Variants in ME3 observed in about 807,000 individuals in gnomAD.
ME3 encodes the protein malic enzyme 3.
In ME3, 48 loss-of-function variants were observed where a neutral mutation model predicts 68.9. The observed-to-expected ratio is 0.70, with a 90% CI of 0.55 to 0.89. The LOEUF is 0.89. ME3 is among the 40% of genes least tolerant of loss of function. The pLI, the probability that ME3 is intolerant of heterozygous loss-of-function variation, is 0.00. For synonymous variants in ME3, 320 were observed against 318.8 expected, an observed-to-expected ratio of 1.00 and a Z score of -0.04; for missense variants, 675 against 797.4, an observed-to-expected ratio of 0.85 and a Z score of 1.85.
intron 2 of ME3, among the ~76,000 whole-genome samples, chr11:86,613,573 T>C (rs1942747677): frequency 6.6e-6 from 1 of 152,126 alleles, no homozygotes. Context: ...GAAAACCCCA[T>C]CATCTCCGCC....
intron 2 of ME3, among the ~76,000 whole-genome samples, chr11:86,644,523 C>T (rs581796): frequency 0.91 from 138,065 of 152,100 alleles, 62,803 homozygotes; most frequent in Middle Eastern, 0.96. Flanking sequence ...TATTAGACTG[C>T]CTATTGTCAG....
chr11:86,475,874 TAGAG>T lies in ME3; in HGVS notation c.810-10678_810-10675del, dbSNP rs1555206746. Among the ~76,000 whole-genome samples the T allele has an allele frequency of 4.6e-3, 418 of 91,468 alleles. 7 individuals are homozygous for T. In the East Asian group the frequency reaches 0.049, roughly 11 times the overall value. 60.0% of individuals were successfully genotyped at this position (91,468 alleles called of 152,430 possible). A position where few individuals can be genotyped will look rare whatever the true frequency, so the allele number is the denominator to read the frequency against. ...CAGTATATATATATATATATATATATAGAGAGAGAGAGAGAGAGAGAGAGAGAAA... is the reference window on the plus strand; with the variant it reads ...CAGTATATATATATATATATATATATAGAGAGAGAGAGAGAGAGAGAGAAA... On this transcript the variant is annotated intron_variant, in intron 7 of 14. Coordinates refer to ENST00000543262, the Ensembl canonical transcript of ME3.
intron 2 of ME3, among the ~76,000 whole-genome samples, chr11:86,586,259 G>A (rs1341697907): frequency 6.6e-6 from 1 of 152,214 alleles, no homozygotes; most frequent in African/African-American, 2.4e-5. Flanking sequence ...CCCAAGCTGG[G>A]TTGGATTAGG....
chr11:86,514,328 C>G (rs555072680), intron 4 of ME3, among the ~76,000 whole-genome samples: 1 of 152,282 alleles, frequency 6.6e-6, no homozygotes, highest in East Asian at 1.9e-4. Flanking sequence ...ACATGAGATT[C>G]TGATCACCTG....
At chr11:86,653,393 G>C (rs984460653) in intron 2 of ME3, among the ~76,000 whole-genome samples, 2 of 152,174 alleles carry the variant, frequency 1.3e-5, no homozygotes, top group Non-Finnish European at 2.9e-5. Flanking sequence ...ATAACAAACT[G>C]TCTCTCAGAC....
At chr11:86,642,825 A>G (rs17211584) in intron 2 of ME3, among the ~76,000 whole-genome samples, 11,089 of 152,198 alleles carry the variant, frequency 0.073, 480 homozygotes, top group East Asian at 0.14. Context: ...TAGTTAATTT[A>G]TTTTCCAATG....
intron 2 of ME3, among the ~76,000 whole-genome samples, chr11:86,603,285 A>C (rs558035489): frequency 1.3e-5 from 2 of 152,234 alleles, no homozygotes; most frequent in African/African-American, 2.4e-5. Flanking sequence ...AAAAGTGGGC[A>C]AAGGATATGA....
intron 7 of ME3, among the ~76,000 whole-genome samples, chr11:86,468,500 G>A (rs675775): frequency 0.42 from 63,904 of 151,908 alleles, 13,688 homozygotes; most frequent in African/African-American, 0.46. Flanking sequence ...TTGAGCACCT[G>A]TGATGATCTG....
chr11:86,436,334 A>G (rs1948897525), downstream of ME3: 1 of 151,868 alleles, frequency 6.6e-6, no homozygotes, highest in African/African-American at 2.4e-5. Flanking sequence ...TGATTTAAAT[A>G]TTTTTCTCAT....
At chr11:86,449,842 G>A in intron 10 of ME3, 47 bp downstream of exon 10, 1 of 1,403,300 alleles carries the variant, frequency 7.1e-7, no homozygotes, top group Non-Finnish European at 1.0e-6. Flanking sequence ...CAGTTCCTGG[G>A]AGCTATAAGG....
At chr11:86,599,896 G>A (rs1394069633) in intron 2 of ME3, among the ~76,000 whole-genome samples, 2 of 152,104 alleles carry the variant, frequency 1.3e-5, no homozygotes, top group Non-Finnish European at 2.9e-5. Flanking sequence ...ACAAGCAAAT[G>A]CTGAGAGATT....
rs371408007 is a variant in ME3, at chr11:86,537,875, G to C, written c.467+18678C>G. Reference sequence around the variant, plus strand: ...TTAAACATCCTGACACCTACTTAAGGGGGCATCTTGGGAGCAGGAGCTCCA... The same window carrying C: ...TTAAACATCCTGACACCTACTTAAGCGGGCATCTTGGGAGCAGGAGCTCCA... On this transcript the variant is annotated intron_variant, in intron 4 of 14. Coordinates refer to ENST00000543262, the Ensembl canonical transcript of ME3. Among the ~76,000 whole-genome samples the C allele has an allele frequency of 3.7e-4, 56 of 152,266 alleles. 1 individual carries two copies. The East Asian group carries it at 6.0e-3, about 16-fold the overall frequency.
chr11:86,559,909 A>C, intron 2 of ME3, 86 bp from the exon 3 acceptor site: 5 of 1,462,116 alleles, frequency 3.4e-6, no homozygotes, highest in Non-Finnish European at 3.7e-6. Flanking sequence ...ACAGATAGGT[A>C]AAAGTCAGTG....
intron 3 of ME3, among the ~76,000 whole-genome samples, chr11:86,557,782 C>G (rs1957007281): frequency 6.6e-6 from 1 of 152,174 alleles, no homozygotes; most frequent in Non-Finnish European, 1.5e-5. Context: ...CATTTGTGCA[C>G]ATCTTTTCTC....
Position 86,671,738 on chromosome 11 carries a change from C to T in ME3, c.183+24G>A, listed in dbSNP as rs750721069. ...GGCAGCCACGGGATCGCAACGCGGG[C>T]CGTCCTGCCCTCTGGCCCATTACCT... On this transcript the variant is annotated intron_variant, in intron 2 of 14. Transcript: ENST00000543262. The T allele has an allele frequency of 1.9e-5, 30 of 1,594,026 alleles. No homozygotes were observed. The South Asian group carries it at 2.5e-4, about 13-fold the overall frequency.
chr11:86,671,714 G>T (rs1282266948), intron 2 of ME3, 48 bp downstream of exon 2: 2 of 1,586,134 alleles, frequency 1.3e-6, no homozygotes, highest in African/African-American at 2.8e-5. Context: ...CAATTTTCCG[G>T]CAGCCACGGG....
At chr11:86,589,440 G>T (rs895626438) in intron 2 of ME3, among the ~76,000 whole-genome samples, 2 of 152,144 alleles carry the variant, frequency 1.3e-5, no homozygotes, top group African/African-American at 2.4e-5. Context: ...AACTTGATTA[G>T]GAGATAGCAA....
At chr11:86,547,239 C>CAA (rs1169843852) in intron 4 of ME3, among the ~76,000 whole-genome samples, 8,856 of 45,414 alleles carry the variant, frequency 0.2, 642 homozygotes, top group East Asian at 0.31. Flanking sequence ...GACTCCATCT[C>CAA]AAAAAAAAAA....
Position 86,652,118 on chromosome 11 carries a change from C to G in ME3, c.183+19644G>C, listed in dbSNP as rs371197990. On this transcript the variant is annotated intron_variant, in intron 2 of 14. Coordinates refer to ENST00000543262, the Ensembl canonical transcript of ME3. Reference sequence around the variant, plus strand: ...GTGAAAAGACCAAATCTACGTCTGACTGGTATGCCTGAAAGTGATGGGGAG... The same window carrying G: ...GTGAAAAGACCAAATCTACGTCTGAGTGGTATGCCTGAAAGTGATGGGGAG... Among the ~76,000 whole-genome samples the G allele has an allele frequency of 3.9e-5, 6 of 152,170 alleles. No homozygotes were observed. The East Asian group carries it at 9.6e-4, about 24-fold the overall frequency.
Sources: gnomAD v4.1 joint callset for allele counts (sites outside exome capture counted in the v4.1 genomes callset) on GRCh38, gnomAD v4.1.1 for gene constraint, MANE v1.5 for transcripts, NCBI Gene and HGNC (gene_info 2026-07-23, HGNC 2026-07-21) for gene names.